CATSPERD: variants seen among roughly 807,000 people sequenced by gnomAD.
The protein encoded by CATSPERD is catsper channel auxiliary subunit delta, also known as cation channel sperm-associated auxiliary subunit delta.
In CATSPERD, 86 loss-of-function variants were observed where a neutral mutation model predicts 98.1. The observed-to-expected ratio is 0.88, with a 90% CI of 0.74 to 1.05. The LOEUF (loss-of-function observed/expected upper bound fraction) is 1.05, where lower values mean the gene tolerates loss of function less well. CATSPERD is among the 50% of genes least tolerant of loss of function. CATSPERD has a pLI of 0.00. For synonymous variants in CATSPERD, 394 were observed against 390.2 expected (o/e 1.01, Z -0.12); for missense variants, 995 against 1,005.7 (o/e 0.99, Z 0.14).
chr19:5,737,637 C>T (rs898112727), intron 6 of CATSPERD, among the ~76,000 whole-genome samples: 6 of 151,294 alleles, frequency 4.0e-5, no homozygotes, highest in Non-Finnish European at 5.9e-5. Context: ...TCACCTGAGG[C>T]CAGGAGCTCG....
intron 5 of CATSPERD, among the ~76,000 whole-genome samples, chr19:5,735,514 C>G: frequency 7.0e-6 from 1 of 142,240 alleles, no homozygotes; most frequent in Non-Finnish European, 1.5e-5. Context: ...CGCTCTGTCA[C>G]TAGGATGGAG....
chr19:5,757,972 G>A (rs2056359327), intron 14 of CATSPERD, 40 bp downstream of exon 14: 4 of 1,538,590 alleles, frequency 2.6e-6, no homozygotes, highest in Non-Finnish European at 2.7e-6. Context: ...CCTGTCCCTT[G>A]AGAGGCCCCC....
At chr19:5,751,244 G>C (rs1472854739) in intron 11 of CATSPERD, among the ~76,000 whole-genome samples, 3 of 105,128 alleles carry the variant, frequency 2.9e-5, no homozygotes, top group East Asian at 2.6e-4. Context: ...AAAAAAAAAG[G>C]CCTGGCGCGG....
intron 15 of CATSPERD, among the ~76,000 whole-genome samples, chr19:5,761,441 A>ATGGC (rs1568366363): frequency 1.3e-5 from 2 of 151,570 alleles, no homozygotes; most frequent in African/African-American, 2.4e-5. Flanking sequence ...GGATGGATGG[A>ATGGC]TGGCTGGCTG....
At chr19:5,725,691 A>G (rs978959815) in intron 2 of CATSPERD, among the ~76,000 whole-genome samples, 1 of 152,086 alleles carries the variant, frequency 6.6e-6, no homozygotes, top group Non-Finnish European at 1.5e-5. Flanking sequence ...CCCTGAGGTC[A>G]GGAGTTCAAG....
chr19:5,740,238 A>G, intron 7 of CATSPERD, among the ~76,000 whole-genome samples: 1 of 150,894 alleles, frequency 6.6e-6, no homozygotes, highest in East Asian at 2.0e-4. Flanking sequence ...CCAAGATCAC[A>G]CCATTGCACT....
intron 17 of CATSPERD, among the ~76,000 whole-genome samples, chr19:5,766,692 T>G (rs1259944112): frequency 1.2e-5 from 1 of 84,668 alleles, no homozygotes; most frequent in Non-Finnish European, 2.6e-5. Flanking sequence ...GTTGGTGATA[T>G]CCACATTTTT....
chr19:5,770,088 CAAAAA>C (rs760375391), intron 18 of CATSPERD, among the ~76,000 whole-genome samples: 2 of 67,176 alleles, frequency 3.0e-5, no homozygotes, highest in Non-Finnish European at 6.0e-5. Flanking sequence ...GACTCTGTCT[CAAAAA>C]AAAAAAAAAA....
At chr19:5,770,425 C>T (rs892954948) in intron 18 of CATSPERD, among the ~76,000 whole-genome samples, 15 of 143,584 alleles carry the variant, frequency 1.0e-4, no homozygotes, top group South Asian at 4.4e-4. Context: ...AATGAAACTC[C>T]GTCTCAAAAA....
In CATSPERD at chr19:5,778,365, C is replaced by T; in HGVS notation, c.2097-11C>T. On this transcript the variant is annotated splice_polypyrimidine_tract_variant and intron_variant, in intron 21 of 21. Transcript: ENST00000381624. ...TGCCCAACAGCCTCTCCCCGCCTCC[C>T]CCCACCGCAGCTACTGTCAACTGGA... The T allele has an allele frequency of 1.3e-6, 2 of 1,592,958 alleles. No homozygotes were observed. The highest frequency in any genetic ancestry group is 1.7e-6 in the Non-Finnish European group (2 of 1,166,746).
intron 13 of CATSPERD, among the ~76,000 whole-genome samples, chr19:5,755,641 C>T (rs1274221412): frequency 1.3e-5 from 2 of 151,930 alleles, no homozygotes; most frequent in African/African-American, 2.4e-5. Context: ...GGTGTGGTGG[C>T]GCATGCCTGT....
chr19:5,743,086 G>A (rs566333048), intron 7 of CATSPERD, among the ~76,000 whole-genome samples: 4 of 152,156 alleles, frequency 2.6e-5, no homozygotes, highest in East Asian at 3.9e-4. Context: ...GGTGGATCAC[G>A]AGGTCAAGAG....
At chr19:5,723,195 A>AG (rs1387367056) in intron 1 of CATSPERD, among the ~76,000 whole-genome samples, 2 of 150,916 alleles carry the variant, frequency 1.3e-5, no homozygotes, top group African/African-American at 2.4e-5. Flanking sequence ...TCAAAAAAAA[A>AG]AAAAAGAAAA....
chr19:5,768,718 C>T (rs780149791), intron 18 of CATSPERD, among the ~76,000 whole-genome samples: 8 of 152,140 alleles, frequency 5.3e-5, no homozygotes, highest in Middle Eastern at 3.2e-3. Flanking sequence ...ACCACAGCCT[C>T]GACCTCCTGG....
At chr19:5,736,709 C>T (rs995279713) in intron 5 of CATSPERD, among the ~76,000 whole-genome samples, 1 of 151,344 alleles carries the variant, frequency 6.6e-6, no homozygotes, top group Non-Finnish European at 1.5e-5. Context: ...CACTGGCACT[C>T]CAGCCTGGAT....
Position 5,748,159 on chromosome 19 carries a change from G to C in CATSPERD, c.809-1G>C. 1 of 1,613,580 alleles carries C rather than the reference G, an allele frequency of 6.2e-7. No individual in the cohort carries two copies. The highest frequency in any genetic ancestry group is 8.5e-7 in the Non-Finnish European group (1 of 1,179,696). ...CATGCACCTGTCCTGTTACCTCCTAGGTCAGCTCGTCGACACCGTCCGGGT... is the reference window on the plus strand; with the variant it reads ...CATGCACCTGTCCTGTTACCTCCTACGTCAGCTCGTCGACACCGTCCGGGT... On this transcript the variant is annotated splice_acceptor_variant, in intron 9 of 21. Transcript: ENST00000381624. LOFTEE classifies it high-confidence loss of function.
intron 19 of CATSPERD, 142 bp from the exon 20 acceptor site, chr19:5,772,646 G>T (rs1313729186): frequency 2.6e-6 from 2 of 768,484 alleles, no homozygotes; most frequent in Non-Finnish European, 4.2e-6. Flanking sequence ...ATCCTCAGCT[G>T]GGAGCGGCAG....
chr19:5,773,272 G>T (rs2056684351), intron 20 of CATSPERD, among the ~76,000 whole-genome samples: 1 of 152,188 alleles, frequency 6.6e-6, no homozygotes, highest in Non-Finnish European at 1.5e-5. Context: ...CTGGGAGGCA[G>T]AGGTTGCAGT....
At chr19:5,723,899 C>G (rs2055552428) in intron 1 of CATSPERD, among the ~76,000 whole-genome samples, 1 of 152,030 alleles carries the variant, frequency 6.6e-6, no homozygotes, top group Admixed American at 6.6e-5. Context: ...GCCTCAGCCT[C>G]CTGAGTAGCT....
Sources: allele counts gnomAD v4.1 joint callset (sites outside exome capture counted in the v4.1 genomes callset), GRCh38; gene constraint gnomAD v4.1.1; transcripts MANE v1.5; gene names NCBI Gene and HGNC (gene_info 2026-07-23, HGNC 2026-07-21).